CEMIP2: variants seen among roughly 807,000 people sequenced by gnomAD.
CEMIP2 encodes cell migration inducing hyaluronidase 2.
CEMIP2 carries 79 observed loss-of-function variants against 146.9 expected under a neutral mutation model. The observed-to-expected ratio is 0.54, with a 90% CI of 0.45 to 0.65. The LOEUF is 0.65. CEMIP2 is among the 30% of genes least tolerant of loss of function. The pLI, the probability that CEMIP2 is intolerant of heterozygous loss-of-function variation, is 0.00. For synonymous variants in CEMIP2, 601 were observed against 606.3 expected, an observed-to-expected ratio of 0.99 and a Z score of 0.13; for missense variants, 1,596 against 1,696.2, an observed-to-expected ratio of 0.94 and a Z score of 1.04.
rs1473150847 is a variant in CEMIP2 at position 71,729,902 on chromosome 9, A to G, written c.1992T>C (p.Thr664=). The G allele has an allele frequency of 6.2e-7, 1 of 1,614,204 alleles. No homozygotes were observed. The highest frequency in any genetic ancestry group is 2.2e-5 in the East Asian group (1 of 44,888). ...VPATDCMAVS[T]FWIAHPNNNL... ...TATTGTTGGGATGAGCAATCCAGAA[A>G]GTTGAAACAGCCCTGCAAGGCATTT... is the stretch of plus-strand genomic sequence containing the variant. The change falls in exon 10 of 24, where the codon ACT becomes ACC. Residue 664 remains threonine (T), a synonymous_variant. Coordinates refer to ENST00000377044, the MANE Select transcript of CEMIP2 (RefSeq NM_013390.3).
intron 3 of CEMIP2, 23 bp downstream of exon 3, chr9:71,746,178 C>T (rs768499751): frequency 6.2e-7 from 1 of 1,608,488 alleles, no homozygotes. Flanking sequence ...TTGCAGTTCC[C>T]ATAGGCAGGA....
chr9:71,693,135 AG>A (rs1346146457), intron 21 of CEMIP2, among the ~76,000 whole-genome samples: 2 of 152,228 alleles, frequency 1.3e-5, no homozygotes, highest in South Asian at 2.1e-4. Context: ...AAAAAAATTA[AG>A]AAAAAAAGTA....
intron 14 of CEMIP2, among the ~76,000 whole-genome samples, chr9:71,715,788 G>T (rs908328486): frequency 2.0e-5 from 3 of 151,134 alleles, no homozygotes; most frequent in African/African-American, 7.3e-5. Context: ...CCTGGTTAAG[G>T]TTAATTTTTT....
At chr9:71,765,638 A>T (rs1824767782) in intron 1 of CEMIP2, among the ~76,000 whole-genome samples, 1 of 152,044 alleles carries the variant, frequency 6.6e-6, no homozygotes, top group Non-Finnish European at 1.5e-5. Context: ...CCCCACCCCC[A>T]ACTGTTCCTT....
Position 71,728,230 on chromosome 9 carries a change from T to TATATATA in CEMIP2, c.2049+1614_2049+1615insTATATAT, listed in dbSNP as rs1564012043. On this transcript the variant is annotated intron_variant, in intron 10 of 23. Coordinates refer to ENST00000377044, the MANE Select transcript of CEMIP2 (RefSeq NM_013390.3). ...CTCTCTCTCTCTCTCTCTCTCTCTCTCTATATATATATATATATATGTATA... is the reference window on the plus strand; with the variant it reads ...CTCTCTCTCTCTCTCTCTCTCTCTCTATATATACTATATATATATATATATATGTATA... Among the ~76,000 whole-genome samples the TATATATA allele has an allele frequency of 3.9e-4, 8 of 20,666 alleles. 1 individual carries two copies. Among genetic ancestry groups the TATATATA allele is most frequent in the Non-Finnish European group, 4.7e-4 (3 of 6,424 alleles). The allele number at this position is 20,666 out of a possible 152,430, so 13.6% of individuals were successfully genotyped here.
At chr9:71,752,735 A>T (rs1470428601) in intron 1 of CEMIP2, among the ~76,000 whole-genome samples, 1 of 152,082 alleles carries the variant, frequency 6.6e-6, no homozygotes, top group East Asian at 1.9e-4. Context: ...ATTGCTCTAA[A>T]CTATCAGCAA....
At position 71,725,625 on chromosome 9, in the gene CEMIP2, G is replaced by A. The variant is rs370664463; in HGVS notation, c.2134C>T (p.Pro712Ser). The part of the protein sequence containing the change: ...LQLLAKPELT[P>S]LGIFYNNRVH... ...CTGTTGTTATAAAATATACCCAATG[G>A]AGTGAGTTCTGGTTTTGCCAAGAGC... Residue 712 changes from proline (P) to serine (S), a missense_variant, in exon 11 of 24, where the codon CCA becomes TCA. By Grantham distance (74) the Pro-to-Ser change is moderately conservative (BLOSUM62 -1). Coordinates refer to ENST00000377044, the MANE Select transcript of CEMIP2 (RefSeq NM_013390.3). 8.7e-6 allele frequency: 14 copies of A among 1,613,836 alleles called. No homozygotes were observed. Among genetic ancestry groups the A allele is most frequent in the Non-Finnish European group, 1.2e-5 (14 of 1,179,970 alleles).
intron 12 of CEMIP2, among the ~76,000 whole-genome samples, chr9:71,719,045 C>T (rs1823153905): frequency 6.6e-6 from 1 of 152,112 alleles, no homozygotes; most frequent in South Asian, 2.1e-4. Context: ...TGCTCAAATA[C>T]TCAAATACAT....
intron 17 of CEMIP2, among the ~76,000 whole-genome samples, chr9:71,708,476 A>G (rs1203635327): frequency 6.6e-6 from 1 of 152,214 alleles, no homozygotes; most frequent in Non-Finnish European, 1.5e-5. Context: ...AGTAACTACT[A>G]TTATCCCCAT....
intron 4 of CEMIP2, among the ~76,000 whole-genome samples, chr9:71,741,693 C>A (rs1168805249): frequency 8.4e-6 from 1 of 119,066 alleles, no homozygotes; most frequent in African/African-American, 3.2e-5. Flanking sequence ...GGCTAGAGTG[C>A]AATGGCGTGA....
At chr9:71,725,520 C>T in intron 11 of CEMIP2, 61 bp downstream of exon 11, 3 of 1,534,846 alleles carry the variant, frequency 2.0e-6, no homozygotes, top group Non-Finnish European at 2.7e-6. Flanking sequence ...AATATAATCA[C>T]AATAGTTCAT....
intron 14 of CEMIP2, 89 bp downstream of exon 14, chr9:71,716,428 A>C (rs1823059149): frequency 9.0e-7 from 1 of 1,112,834 alleles, no homozygotes; most frequent in Admixed American, 2.5e-5. Context: ...AAAAAAAATA[A>C]TAAAACATTC....
intron 22 of CEMIP2, 141 bp downstream of exon 22, chr9:71,689,951 A>T (rs1822176538): frequency 1.0e-6 from 1 of 997,954 alleles, no homozygotes; most frequent in African/African-American, 1.6e-5. Flanking sequence ...CGTCAATCTG[A>T]GGTAGGAGAG....
chr9:71,709,540 A>G (rs1822847747), intron 16 of CEMIP2, 66 bp from the exon 17 acceptor site: 2 of 1,300,380 alleles, frequency 1.5e-6, no homozygotes, highest in East Asian at 2.3e-5. Flanking sequence ...ATCCCCTGCA[A>G]TGACTCAACT....
At chr9:71,697,873 T>C (rs1822444886) in intron 20 of CEMIP2, 112 bp downstream of exon 20, 5 of 1,087,328 alleles carry the variant, frequency 4.6e-6, no homozygotes, top group Non-Finnish European at 6.5e-6. Flanking sequence ...GGAGATGCCA[T>C]GCAATGTCCA....
chr9:71,704,431 T>C, intron 18 of CEMIP2, 164 bp downstream of exon 18: 1 of 668,326 alleles, frequency 1.5e-6, no homozygotes, highest in Non-Finnish European at 2.5e-6. Flanking sequence ...ATTTGTATAA[T>C]CTCTTTAATT....
At chr9:71,689,028 T>C (rs944598685) in intron 22 of CEMIP2, among the ~76,000 whole-genome samples, 12 of 152,204 alleles carry the variant, frequency 7.9e-5, no homozygotes, top group Non-Finnish European at 1.5e-4. Context: ...CTTAAATCTA[T>C]GGGGTACCTT....
At chr9:71,756,631 T>G (rs1229607296) in intron 1 of CEMIP2, among the ~76,000 whole-genome samples, 2 of 152,126 alleles carry the variant, frequency 1.3e-5, no homozygotes, top group Non-Finnish European at 2.9e-5. Context: ...GACTAATTTC[T>G]ATATCAGTTT....
chr9:71,710,160 A>T (rs1822865938), intron 16 of CEMIP2, among the ~76,000 whole-genome samples: 1 of 152,216 alleles, frequency 6.6e-6, no homozygotes, highest in Non-Finnish European at 1.5e-5. Flanking sequence ...CAATTTTCAC[A>T]TCCAGTAGAG....
Sources: gnomAD v4.1 joint callset for allele counts (sites outside exome capture counted in the v4.1 genomes callset) on GRCh38, gnomAD v4.1.1 for gene constraint, MANE v1.5 for transcripts, NCBI Gene and HGNC (gene_info 2026-07-23, HGNC 2026-07-21) for gene names.